WDR17: variants seen among roughly 807,000 people sequenced by gnomAD.
WDR17 encodes the protein WD repeat domain 17.
A neutral mutation model predicts 161.7 loss-of-function variants in WDR17; 143 were observed. The ratio of observed to expected loss-of-function variants is 0.88; its 90% confidence interval spans 0.77 to 1.02. The LOEUF is 1.02. Ranked by LOEUF, WDR17 falls within the 50% of genes least tolerant of loss-of-function variation. The pLI, the probability that WDR17 is intolerant of heterozygous loss-of-function variation, is 0.00. For missense variants in WDR17, 1,469 were observed against 1,520.9 expected, an observed-to-expected ratio of 0.97 and a Z score of 0.57; for synonymous variants, 517 against 515.6, an observed-to-expected ratio of 1.00 and a Z score of -0.04.
intron 1 of WDR17, among the ~76,000 whole-genome samples, chr4:176,079,842 G>A (rs541239766): frequency 6.6e-5 from 10 of 152,136 alleles, no homozygotes; most frequent in Non-Finnish European, 1.3e-4. Flanking sequence ...ATCACAAGGC[G>A]AGGGGGGGTG....
chr4:176,173,324 T>C lies in WDR17; in HGVS notation c.3302T>C (p.Leu1101Pro), dbSNP rs767274638. The C allele has an allele frequency of 6.2e-7, 1 of 1,613,398 alleles. No individual in the cohort carries two copies. The highest frequency in any genetic ancestry group is 1.7e-5 in the Admixed American group (1 of 59,996). The part of the protein sequence containing the change: ...LDTIYPVLDL[L>P]SYIRTEKLLL... The stretch of plus-strand genomic sequence containing the variant: ...ACCATATACCCTGTTCTTGACCTAC[T>C]GAGCTATATTCGTACTGAAAAATTA... Residue 1101 changes from leucine (L) to proline (P), a missense_variant, in exon 25 of 29, where the codon CTG becomes CCG. Physicochemically the swap from Leu to Pro is moderately conservative, Grantham distance 98 (BLOSUM62 -3). Coordinates refer to ENST00000508596, the MANE Select transcript of WDR17 (RefSeq NM_181265.4).
At chr4:176,110,954 T>G (rs1739623576) in intron 1 of WDR17, among the ~76,000 whole-genome samples, 2 of 152,178 alleles carry the variant, frequency 1.3e-5, no homozygotes, top group Admixed American at 1.3e-4. Flanking sequence ...TCAGATACTT[T>G]TCAGCTTCTT....
At chr4:176,112,009 G>C (rs995860249) in intron 2 of WDR17, among the ~76,000 whole-genome samples, 3 of 151,890 alleles carry the variant, frequency 2.0e-5, no homozygotes, top group African/African-American at 7.3e-5. Context: ...GATATTATTG[G>C]GAGAAAAACT....
chr4:176,146,552 T>G (rs1746203681), intron 12 of WDR17, among the ~76,000 whole-genome samples: 1 of 152,192 alleles, frequency 6.6e-6, no homozygotes, highest in Non-Finnish European at 1.5e-5. Flanking sequence ...CGCTGCAGCC[T>G]GGAGAGCCTC....
At chr4:176,105,565 A>G (rs546973135) in intron 1 of WDR17, among the ~76,000 whole-genome samples, 2 of 152,264 alleles carry the variant, frequency 1.3e-5, no homozygotes, top group South Asian at 4.1e-4. Context: ...AACAGAAAGA[A>G]AACTGAAAAA....
At chr4:176,148,446 C>T in intron 13 of WDR17, 111 bp downstream of exon 13, 1 of 939,290 alleles carries the variant, frequency 1.1e-6, no homozygotes, top group Non-Finnish European at 1.6e-6. Flanking sequence ...TTTTATTTTA[C>T]AATAACATTT....
Position 176,179,618 on chromosome 4 carries a change from GA to G in WDR17, c.*44del. The G allele has an allele frequency of 1.3e-6, 2 of 1,507,198 alleles. No homozygotes were observed. The highest frequency in any genetic ancestry group is 8.9e-7 in the Non-Finnish European group (1 of 1,127,450). 93.4% of individuals were successfully genotyped at this position (1,507,198 alleles called of 1,614,324 possible). On this transcript the variant is annotated 3_prime_UTR_variant, in exon 29 of 29. Coordinates refer to ENST00000508596, the MANE Select transcript of WDR17 (RefSeq NM_181265.4). ...TCCATGCTTGATTTTTTTTTTTAAA[GA>G]AAAACTTTCATGGGTTAGCATTACC...
At chr4:176,157,219 C>A (rs1193656111) in intron 18 of WDR17, among the ~76,000 whole-genome samples, 2 of 152,146 alleles carry the variant, frequency 1.3e-5, no homozygotes. Flanking sequence ...ATGCCAATCA[C>A]TGTGCTAATC....
intron 18 of WDR17, 130 bp downstream of exon 18, chr4:176,156,273 G>T: frequency 1.2e-6 from 1 of 821,164 alleles, no homozygotes; most frequent in Non-Finnish European, 1.8e-6. Context: ...ATTAAATTTT[G>T]TATCTACTGA....
chr4:176,129,115 C>A (rs1742958661), intron 6 of WDR17, among the ~76,000 whole-genome samples: 1 of 151,952 alleles, frequency 6.6e-6, no homozygotes, highest in African/African-American at 2.4e-5. Flanking sequence ...AGATTATCTA[C>A]ATGGAAAAGA....
intron 23 of WDR17, among the ~76,000 whole-genome samples, chr4:176,171,773 A>T (rs1750763214): frequency 6.6e-6 from 1 of 151,128 alleles, no homozygotes; most frequent in South Asian, 2.1e-4. Context: ...ACAGAAAAAG[A>T]TTTTTTTTTA....
In WDR17 at chr4:176,173,389, A is replaced by G. The variant is rs1264640219; in HGVS notation, c.3347+20A>G. On this transcript the variant is annotated intron_variant, in intron 25 of 28. Coordinates refer to ENST00000508596, the MANE Select transcript of WDR17 (RefSeq NM_181265.4). ...TACTGAGTGAGTATTTTTTCTGCAA[A>G]ATATATAAGTGAATCTATTTGATAA... 7 of 1,494,384 alleles carry G rather than the reference A, an allele frequency of 4.7e-6. No individual in the cohort carries two copies. Among genetic ancestry groups the G allele is most frequent in the South Asian group, 1.2e-5 (1 of 84,068 alleles). 92.6% of individuals were successfully genotyped at this position (1,494,384 alleles called of 1,614,324 possible). A position where few individuals can be genotyped will look rare whatever the true frequency, so the allele number is the denominator to read the frequency against.
rs1751627544 is a variant in WDR17, at chr4:176,177,584, A to T, written c.3662A>T (p.Tyr1221Phe). 1.3e-6 allele frequency: 2 copies of T among 1,596,526 alleles called. No homozygotes were observed. ...CTGAAAGGAATTATTGGACCAGATT[A>T]TGTGACTGGATCAAATCTTCCAAGT... is the stretch of plus-strand genomic sequence containing the variant. ...ESLKGIIGPD[Y>F]VTGSNLPSHS... Residue 1221 changes from tyrosine (Y) to phenylalanine (F), a missense_variant, in exon 28 of 29, where the codon TAT (tyrosine) becomes TTT (phenylalanine). By Grantham distance (22) the Tyr-to-Phe change is conservative. Coordinates refer to ENST00000508596, the MANE Select transcript of WDR17 (RefSeq NM_181265.4).
At chr4:176,083,205 G>A (rs1734983799) in intron 1 of WDR17, among the ~76,000 whole-genome samples, 1 of 151,956 alleles carries the variant, frequency 6.6e-6, no homozygotes, top group African/African-American at 2.4e-5. Flanking sequence ...GAACAATTAG[G>A]GATTCTGGCT....
At chr4:176,116,488 T>C (rs950997984) in intron 3 of WDR17, among the ~76,000 whole-genome samples, 4 of 151,816 alleles carry the variant, frequency 2.6e-5, no homozygotes, top group Non-Finnish European at 4.4e-5. Context: ...TCTTTCTACT[T>C]AGAATTGGGA....
intron 1 of WDR17, among the ~76,000 whole-genome samples, chr4:176,108,793 CTTTTG>C (rs1412852229): frequency 6.6e-6 from 1 of 151,860 alleles, no homozygotes; most frequent in African/African-American, 2.4e-5. Context: ...TTTAAAATGA[CTTTTG>C]TTTATTTATT....
intron 1 of WDR17, among the ~76,000 whole-genome samples, chr4:176,074,122 A>G (rs1032067106): frequency 3.3e-5 from 5 of 151,530 alleles, no homozygotes; most frequent in Admixed American, 2.0e-4. Context: ...CCCATTTGTA[A>G]ATTTTGGCTT....
At chr4:176,111,872 T>G (rs1168693996) in intron 2 of WDR17, among the ~76,000 whole-genome samples, 169 bp downstream of exon 2, 1 of 152,156 alleles carries the variant, frequency 6.6e-6, no homozygotes, top group Non-Finnish European at 1.5e-5. Flanking sequence ...AAGTTAAACC[T>G]TTAGAAAACA....
chr4:176,172,611 T>C, intron 24 of WDR17, 95 bp downstream of exon 24: 1 of 1,097,054 alleles, frequency 9.1e-7, no homozygotes, highest in Non-Finnish European at 1.3e-6. Context: ...TTTGCATTGC[T>C]ATAAAGAAAT....
Sources: gnomAD v4.1 joint callset for allele counts (sites outside exome capture counted in the v4.1 genomes callset) on GRCh38, gnomAD v4.1.1 for gene constraint, MANE v1.5 for transcripts, NCBI Gene and HGNC (gene_info 2026-07-23, HGNC 2026-07-21) for gene names.